Variants in NPC1 observed in about 807,000 individuals in gnomAD.
NPC1 encodes NPC intracellular cholesterol transporter 1.
In NPC1, 85 loss-of-function variants were observed where a neutral mutation model predicts 140.4. The observed-to-expected ratio is 0.61, with a 90% CI of 0.51 to 0.72. The LOEUF (loss-of-function observed/expected upper bound fraction) is 0.72. Ranked by LOEUF, NPC1 falls within the 30% of genes least tolerant of loss-of-function variation. NPC1 has a pLI of 0.00. For missense variants in NPC1, 1,504 were observed against 1,623.8 expected, an observed-to-expected ratio of 0.93 and a Z score of 1.27; for synonymous variants, 656 against 624.8, an observed-to-expected ratio of 1.05 and a Z score of -0.74.
At position 23,551,610 on chromosome 18, in the gene NPC1, A is replaced by C. The variant is rs1430010417; in HGVS notation, c.1654+17T>G. The C allele has an allele frequency of 2.5e-6, 4 of 1,572,336 alleles. No homozygotes were observed. The African/African-American group carries it at 5.4e-5, about 21-fold the overall frequency. On this transcript the variant is annotated intron_variant, in intron 10 of 24. Transcript: ENST00000269228. ...TGACTTTATCTAAAAGGAAAAGTCAAAGCTTCTCTTACTTACCATCATAGC... is the reference window on the plus strand; with the variant it reads ...TGACTTTATCTAAAAGGAAAAGTCACAGCTTCTCTTACTTACCATCATAGC...
chr18:23,516,093 C>G (rs980300491), intron 3 of NPC1: 54 of 1,553,858 alleles, frequency 3.5e-5, no homozygotes, highest in Admixed American at 8.7e-5. Context: ...ACAGGTTCCT[C>G]TAGCCGTAAC....
chr18:23,520,988 G>T (rs1284228535), downstream of NPC1, among the ~76,000 whole-genome samples: 3 of 152,294 alleles, frequency 2.0e-5, no homozygotes, highest in East Asian at 3.9e-4. Context: ...AAAGTGGTGG[G>T]ATTACAGGCA....
chr18:23,553,006 AG>A (rs2058895701), intron 9 of NPC1, among the ~76,000 whole-genome samples: 1 of 152,238 alleles, frequency 6.6e-6, no homozygotes, highest in South Asian at 2.1e-4. Context: ...CAGGACCCTC[AG>A]GTGAAAAAGT....
intron 3 of NPC1, among the ~76,000 whole-genome samples, chr18:23,507,285 A>G (rs1054263953): frequency 1.3e-5 from 2 of 152,164 alleles, no homozygotes; most frequent in African/African-American, 4.8e-5. Flanking sequence ...TTTTTGAGCC[A>G]GTCTTCCTTT....
chr18:23,556,634 G>A (rs755270747), intron 7 of NPC1, 21 bp from the exon 8 acceptor site: 6 of 1,613,580 alleles, frequency 3.7e-6, no homozygotes, highest in Admixed American at 1.7e-5. Flanking sequence ...GGGAGAGGAA[G>A]GGAAGGTGGA....
intron 10 of NPC1, among the ~76,000 whole-genome samples, chr18:23,549,639 T>C (rs1021717911): frequency 2.0e-5 from 3 of 151,014 alleles, no homozygotes; most frequent in African/African-American, 7.3e-5. Flanking sequence ...ACTCTGTCTC[T>C]GAAAAATAAA....
chr18:23,519,032 C>T (rs182149884), downstream of NPC1: 4,355 of 1,612,166 alleles, frequency 2.7e-3, 97 homozygotes, highest in African/African-American at 0.052. Context: ...ATGTGAACTG[C>T]AGCTTGTTGA....
chr18:23,550,479 C>CTTCTTTTTTTTTT (rs746388624), intron 10 of NPC1, among the ~76,000 whole-genome samples: 2 of 74,922 alleles, frequency 2.7e-5, no homozygotes, highest in African/African-American at 1.3e-4. Context: ...TCTTACATTT[C>CTTCTTTTTTTTTT]TTTTTTTTTT....
In NPC1 at chr18:23,549,742, C is replaced by CTTTTTTTTTTTTTTTTTTTTT. The variant is rs1000073339; in HGVS notation, c.1655-1635_1655-1634insAAAAAAAAAAAAAAAAAAAAA. Reference sequence around the variant, plus strand: ...CAGGTTGTTGATCTTTTTTTCACAACTTTTTTTTTTTTTTTTAAGACGGAG... The same window carrying CTTTTTTTTTTTTTTTTTTTTT: ...CAGGTTGTTGATCTTTTTTTCACAACTTTTTTTTTTTTTTTTTTTTTTTTTTTTTTTTTTTTTAAGACGGAG... On this transcript the variant is annotated intron_variant, in intron 10 of 24. Coordinates refer to ENST00000269228, the MANE Select transcript of NPC1 (RefSeq NM_000271.5). Among the ~76,000 whole-genome samples the CTTTTTTTTTTTTTTTTTTTTT allele has an allele frequency of 2.0e-4, 27 of 137,996 alleles. 2 individuals are homozygous for CTTTTTTTTTTTTTTTTTTTTT. The highest frequency in any genetic ancestry group is 7.1e-4 in the African/African-American group (26 of 36,632). The allele number at this position is 137,996 out of a possible 152,430, so 90.5% of individuals were successfully genotyped here. A position where few individuals can be genotyped will look rare whatever the true frequency, so the allele number is the denominator to read the frequency against.
chr18:23,548,670 TCCC>T (rs1219707920), intron 10 of NPC1, among the ~76,000 whole-genome samples: 1 of 151,986 alleles, frequency 6.6e-6, no homozygotes, highest in Admixed American at 6.6e-5. Context: ...CTTTAGCCAA[TCCC>T]CCCCAACTGA....
At chr18:23,524,110 T>TA (rs1457530033) in intron 1 of NPC1, 1 of 1,613,882 alleles carries the variant, frequency 6.2e-7, no homozygotes, top group African/African-American at 1.3e-5. Flanking sequence ...TCGTTGCACT[T>TA]ATGTTTTCTC....
chr18:23,583,605 C>G (rs557405915), intron 1 of NPC1, among the ~76,000 whole-genome samples: 1 of 151,738 alleles, frequency 6.6e-6, no homozygotes, highest in Non-Finnish European at 1.5e-5. Flanking sequence ...GATGACTGAT[C>G]CAGGCTTCCG....
intron 6 of NPC1, among the ~76,000 whole-genome samples, chr18:23,557,751 A>C (rs377702199): frequency 2.0e-5 from 3 of 152,194 alleles, no homozygotes; most frequent in African/African-American, 7.2e-5. Context: ...AAAAAAACAA[A>C]CAAACAAACA....
At chr18:23,517,403 C>T (rs1287978540), downstream of NPC1, among the ~76,000 whole-genome samples, 2 of 152,024 alleles carry the variant, frequency 1.3e-5, no homozygotes, top group African/African-American at 2.4e-5. Context: ...CCTCCTCAGC[C>T]TCCCAAAGTG....
intron 3 of NPC1, chr18:23,506,877 TC>T: frequency 1.1e-6 from 1 of 870,006 alleles, no homozygotes; most frequent in Non-Finnish European, 1.8e-6. Context: ...ATTTGCTGCC[TC>T]CTGAATATAG....
At chr18:23,534,378 C>CTGAA (rs2058592455) in intron 23 of NPC1, 68 bp downstream of exon 23, 2 of 1,069,394 alleles carry the variant, frequency 1.9e-6, no homozygotes, top group Non-Finnish European at 2.9e-6. Flanking sequence ...GATCCAGACT[C>CTGAA]TTCAGTCACT....
At chr18:23,576,291 C>A (rs1008245282) in intron 1 of NPC1, among the ~76,000 whole-genome samples, 2 of 152,130 alleles carry the variant, frequency 1.3e-5, no homozygotes, top group Non-Finnish European at 2.9e-5. Context: ...CCTAGTGGCA[C>A]ATGCCCATAG....
At chr18:23,565,681 A>AT (rs2059114424) in intron 4 of NPC1, among the ~76,000 whole-genome samples, 1 of 152,152 alleles carries the variant, frequency 6.6e-6, no homozygotes, top group African/African-American at 2.4e-5. Flanking sequence ...GCCTTCTGTT[A>AT]TAGTTACTCC....
chr18:23,554,717 C>A, intron 9 of NPC1, 41 bp downstream of exon 9: 1 of 1,520,268 alleles, frequency 6.6e-7, no homozygotes. Flanking sequence ...TAAGTCAGAC[C>A]CAAGAATGGT....
Sources: allele counts gnomAD v4.1 joint callset (sites outside exome capture counted in the v4.1 genomes callset), GRCh38; gene constraint gnomAD v4.1.1; transcripts MANE v1.5; gene names NCBI Gene and HGNC (gene_info 2026-07-23, HGNC 2026-07-21).